The following CHST11 variants were observed in gnomAD, a reference collection of about 807,000 sequenced individuals.
CHST11 encodes carbohydrate sulfotransferase 11.
A neutral mutation model predicts 30.4 loss-of-function variants in CHST11; 9 were observed. That is an observed-to-expected ratio of 0.30 (90% CI 0.18 to 0.52). CHST11 has a LOEUF of 0.52. Ranked by LOEUF, CHST11 falls within the 20% of genes least tolerant of loss-of-function variation. The pLI is 0.97. For missense variants in CHST11, 348 were observed against 460.6 expected, an observed-to-expected ratio of 0.76 and a Z score of 2.24; for synonymous variants, 152 against 187.8, an observed-to-expected ratio of 0.81 and a Z score of 1.56.
chr12:104,686,232 T>TAAAAAAAGAAA (rs2039844864), intron 2 of CHST11, among the ~76,000 whole-genome samples: 1 of 99,140 alleles, frequency 1.0e-5, no homozygotes, highest in Non-Finnish European at 2.0e-5. Context: ...ACTCACCTCT[T>TAAAAAAAGAAA]AAAAAAAAAA....
intron 1 of CHST11, among the ~76,000 whole-genome samples, chr12:104,485,410 CA>C (rs2037667781): frequency 6.6e-6 from 1 of 152,214 alleles, no homozygotes; most frequent in African/African-American, 2.4e-5. Flanking sequence ...GAGTGGTATG[CA>C]ACCCCATGTC....
chr12:104,749,357 G>A (rs703681), intron 2 of CHST11, among the ~76,000 whole-genome samples: 104,078 of 152,116 alleles, frequency 0.68, 35,712 homozygotes, highest in Middle Eastern at 0.75. Context: ...GAAGCCCACA[G>A]CCAATTGAGA....
chr12:104,672,851 G>A (rs1033954091), intron 2 of CHST11, among the ~76,000 whole-genome samples: 7 of 152,320 alleles, frequency 4.6e-5, no homozygotes, highest in South Asian at 4.1e-4. Context: ...ACACCCAGGC[G>A]TGAGGATTAC....
intron 2 of CHST11, among the ~76,000 whole-genome samples, chr12:104,686,753 T>G (rs1026052751): frequency 1.3e-5 from 2 of 152,166 alleles, no homozygotes; most frequent in African/African-American, 4.8e-5. Context: ...GCTCAAGCAA[T>G]TCTCCTGCCT....
intron 2 of CHST11, among the ~76,000 whole-genome samples, chr12:104,609,737 G>A (rs893691902): frequency 2.0e-5 from 3 of 152,192 alleles, no homozygotes; most frequent in African/African-American, 4.8e-5. Flanking sequence ...AAGCACCTAG[G>A]ACAGTGGCAA....
intron 2 of CHST11, among the ~76,000 whole-genome samples, chr12:104,703,150 C>T (rs1040706127): frequency 6.6e-6 from 1 of 152,212 alleles, no homozygotes; most frequent in Non-Finnish European, 1.5e-5. Flanking sequence ...CTGCTGCATC[C>T]CCTGCACCTA....
chr12:104,645,636 G>A (rs1201471964), intron 2 of CHST11, among the ~76,000 whole-genome samples: 2 of 152,018 alleles, frequency 1.3e-5, no homozygotes, highest in South Asian at 2.1e-4. Flanking sequence ...GCCTCCAAGG[G>A]CTCCAAGTCC....
intron 2 of CHST11, among the ~76,000 whole-genome samples, chr12:104,711,729 A>T (rs1592852726): frequency 1.3e-5 from 2 of 152,210 alleles, no homozygotes; most frequent in South Asian, 2.1e-4. Context: ...AAAAAAAAAT[A>T]AAAAATAAAA....
chr12:104,601,065 C>CTCCTACCTTCCTTTTTTCCTTCCT (rs2038953289), intron 1 of CHST11, among the ~76,000 whole-genome samples: 1 of 150,652 alleles, frequency 6.6e-6, no homozygotes, highest in Admixed American at 6.6e-5. Context: ...CTTTCCTTCC[C>CTCCTACCTTCCTTTTTTCCTTCCT]TCCTACCTTC....
chr12:104,610,791 C>T (rs2039052894), intron 2 of CHST11, among the ~76,000 whole-genome samples: 1 of 152,150 alleles, frequency 6.6e-6, no homozygotes, highest in East Asian at 1.9e-4. Context: ...ACGCAGATCT[C>T]GGGAGAGTTT....
At chr12:104,473,477 G>A (rs952847289) in intron 1 of CHST11, among the ~76,000 whole-genome samples, 1 of 152,126 alleles carries the variant, frequency 6.6e-6, no homozygotes, top group Non-Finnish European at 1.5e-5. Context: ...GGGTGTATCC[G>A]GGTCAGGCTG....
At position 104,560,500 on chromosome 12, in the gene CHST11, C is replaced by T. The variant is rs142412158; in HGVS notation, c.119-41406C>T. On this transcript the variant is annotated intron_variant, in intron 1 of 2. Transcript: ENST00000303694. ...TCAAACTCAAAAACATGGATCAGCA[C>T]CGGGAAGCATCTTGAGATAGGGGTG... 3.2e-3 allele frequency among the ~76,000 whole-genome samples: 492 copies of T among 152,166 alleles called. 1 individual carries two copies. The highest frequency in any genetic ancestry group is 5.0e-3 in the Non-Finnish European group (342 of 68,014).
intron 2 of CHST11, among the ~76,000 whole-genome samples, chr12:104,664,564 C>T (rs550939976): frequency 6.6e-5 from 10 of 152,230 alleles, no homozygotes; most frequent in Non-Finnish European, 1.3e-4. Flanking sequence ...CAAGTGCAAA[C>T]AGCCCCAGTC....
intron 2 of CHST11, among the ~76,000 whole-genome samples, chr12:104,665,470 G>C (rs2039633559): frequency 6.6e-6 from 1 of 152,038 alleles, no homozygotes; most frequent in South Asian, 2.1e-4. Flanking sequence ...GCAAATCCTG[G>C]GGTCACGCTG....
intron 1 of CHST11, among the ~76,000 whole-genome samples, chr12:104,547,458 G>A (rs7968613): frequency 0.49 from 74,353 of 152,058 alleles, 18,506 homozygotes; most frequent in Middle Eastern, 0.68. Context: ...CGAGCATCCA[G>A]TACCGTGCCC....
intron 2 of CHST11, among the ~76,000 whole-genome samples, chr12:104,718,401 G>A (rs748102194): frequency 8.5e-5 from 13 of 152,310 alleles, no homozygotes; most frequent in Non-Finnish European, 4.4e-5. Context: ...AGGTGAGGAC[G>A]GAATTTCGTT....
At position 104,479,793 on chromosome 12, in the gene CHST11, C is replaced by T. The variant is rs373286871; in HGVS notation, c.118+22264C>T. Among the ~76,000 whole-genome samples, 11 of 152,276 alleles carry T rather than the reference C, an allele frequency of 7.2e-5. No individual in the cohort carries two copies. The East Asian group carries it at 1.9e-3, about 27-fold the overall frequency. ...CTGTTGCTAGAAGACAAATGTGTTCCTATGGCTTGAAGAAGCCACAGGACA... is the reference window on the plus strand; with the variant it reads ...CTGTTGCTAGAAGACAAATGTGTTCTTATGGCTTGAAGAAGCCACAGGACA... On this transcript the variant is annotated intron_variant, in intron 1 of 2. Coordinates refer to ENST00000303694, the MANE Select transcript of CHST11 (RefSeq NM_018413.6).
In CHST11 at chr12:104,544,769, T is replaced by C. The variant is rs552280526; in HGVS notation, c.119-57137T>C. On this transcript the variant is annotated intron_variant, in intron 1 of 2. Coordinates refer to ENST00000303694, the MANE Select transcript of CHST11 (RefSeq NM_018413.6). ...CAATGATGTGCCCTGGGGGTCACAG[T>C]CCCCCCACCCCGGAGATAATGGATT... Among the ~76,000 whole-genome samples, 158 of 51,252 alleles carry C rather than the reference T, an allele frequency of 3.1e-3. 12 individuals are homozygous for C. The East Asian group carries it at 0.28, about 91-fold the overall frequency. The allele number at this position is 51,252 out of a possible 152,430, so 33.6% of individuals were successfully genotyped here. A position where few individuals can be genotyped will look rare whatever the true frequency, so the allele number is the denominator to read the frequency against.
chr12:104,671,257 G>T (rs2039694380), intron 2 of CHST11, among the ~76,000 whole-genome samples: 1 of 152,160 alleles, frequency 6.6e-6, no homozygotes, highest in East Asian at 1.9e-4. Context: ...CTGCGCCCGT[G>T]ATCCTAAGCA....
Sources: allele counts gnomAD v4.1 joint callset (sites outside exome capture counted in the v4.1 genomes callset), GRCh38; gene constraint gnomAD v4.1.1; transcripts MANE v1.5; gene names NCBI Gene and HGNC (gene_info 2026-07-23, HGNC 2026-07-21).